Variants in PPP1R12A observed in about 807,000 individuals in gnomAD.
PPP1R12A encodes the protein protein phosphatase 1 regulatory subunit 12A, also known as myosin binding subunit.
PPP1R12A carries 19 observed loss-of-function variants against 139.6 expected under a neutral mutation model. That is an observed-to-expected ratio of 0.14 (90% CI 0.09 to 0.20). The LOEUF (loss-of-function observed/expected upper bound fraction) is 0.20. PPP1R12A is among the 10% of genes least tolerant of loss of function. PPP1R12A has a pLI of 1.00. For synonymous variants in PPP1R12A, 427 were observed against 420.6 expected (o/e 1.02, Z -0.19); for missense variants, 925 against 1,211.5 (o/e 0.76, Z 3.51).
chr12:79,886,828 G>A (rs1333329324), intron 1 of PPP1R12A, among the ~76,000 whole-genome samples: 9 of 152,086 alleles, frequency 5.9e-5, no homozygotes, highest in Non-Finnish European at 1.2e-4. Flanking sequence ...AATATCCAAA[G>A]ATTAAAATAT....
chr12:79,787,663 C>CA (rs1871291246), intron 21 of PPP1R12A: 1 of 152,256 alleles, frequency 6.6e-6, no homozygotes, highest in Non-Finnish European at 1.5e-5. Flanking sequence ...AGGCATGCGC[C>CA]ACCACACCTG....
intron 3 of PPP1R12A, among the ~76,000 whole-genome samples, chr12:79,837,607 T>G (rs1269561925): frequency 6.6e-6 from 1 of 152,214 alleles, no homozygotes. Flanking sequence ...TCCCTACATG[T>G]GGTGGGAAGG....
chr12:79,807,320 T>G lies in PPP1R12A; in HGVS notation c.1561A>C (p.Ser521Arg). 6.5e-7 allele frequency: 1 copy of G among 1,544,500 alleles called. No individual in the cohort carries two copies. The highest frequency in any genetic ancestry group is 8.8e-7 in the Non-Finnish European group (1 of 1,141,300). The change falls in exon 12 of 25, where the codon AGT becomes CGT. Residue 521 changes from serine to arginine, a missense_variant. This residue lies in a region of PPP1R12A where 403 missense variants were observed against 463.7 expected (regional missense o/e 0.87). Transcript: ENST00000450142. ...IEEKENRDSS[S>R]LRTSSSYTRR... ...GTATATGAACTACTTGTTCGCAAAC[T>G]TGAAGAATCTCTGTTAAAAGAACAC...
At position 79,774,664 on chromosome 12, in the gene PPP1R12A, AAAATGG is replaced by A. The variant is rs1869551691; in HGVS notation, c.*1259_*1264del. 6.7e-6 allele frequency: 1 copy of A among 149,554 alleles called. No homozygotes were observed. Among genetic ancestry groups the A allele is most frequent in the African/African-American group, 2.6e-5 (1 of 38,968 alleles). 9.3% of individuals were successfully genotyped at this position (149,554 alleles called of 1,614,324 possible). A position where few individuals can be genotyped will look rare whatever the true frequency, so the allele number is the denominator to read the frequency against. The stretch of plus-strand genomic sequence containing the variant: ...AAAAAAAAAGGCCACTGAAATGTAT[AAAATGG>A]TCTGAACATGATGGTGGTATCAAAG... On this transcript the variant is annotated 3_prime_UTR_variant, in exon 25 of 25. Coordinates refer to ENST00000450142, the MANE Select transcript of PPP1R12A (RefSeq NM_002480.3).
Position 79,913,741 on chromosome 12 carries a change from T to C in PPP1R12A, c.237+20954A>G, listed in dbSNP as rs1448774582. ...AATGCACACATATCTGGGATTTTGT[T>C]TGGACTTGTATTAAATCTGTGATTG... is the stretch of plus-strand genomic sequence containing the variant. On this transcript the variant is annotated intron_variant, in intron 1 of 24. Coordinates refer to ENST00000450142, the MANE Select transcript of PPP1R12A (RefSeq NM_002480.3). 4 of 152,194 alleles carry C rather than the reference T, an allele frequency of 2.6e-5. 1 individual carries two copies. The highest frequency in any genetic ancestry group is 2.6e-4 in the Admixed American group (4 of 15,282). 9.4% of individuals were successfully genotyped at this position (152,194 alleles called of 1,614,324 possible).
At chr12:79,838,586 G>C (rs1878353991) in intron 3 of PPP1R12A, among the ~76,000 whole-genome samples, 1 of 152,216 alleles carries the variant, frequency 6.6e-6, no homozygotes, top group Non-Finnish European at 1.5e-5. Context: ...GCTGTGTGCA[G>C]CCTTGGGACT....
At chr12:79,931,935 T>C (rs1302556475) in intron 1 of PPP1R12A, among the ~76,000 whole-genome samples, 1 of 152,170 alleles carries the variant, frequency 6.6e-6, no homozygotes, top group African/African-American at 2.4e-5. Flanking sequence ...TAACTTCTAA[T>C]GAGGTAGCAC....
intron 1 of PPP1R12A, among the ~76,000 whole-genome samples, chr12:79,928,428 T>C (rs1045057866): frequency 6.6e-6 from 1 of 152,190 alleles, no homozygotes; most frequent in African/African-American, 2.4e-5. Flanking sequence ...GGGGCCAGTT[T>C]GGGGTTGGGA....
At chr12:79,831,713 A>G (rs753686904) in intron 4 of PPP1R12A, among the ~76,000 whole-genome samples, 1 of 152,212 alleles carries the variant, frequency 6.6e-6, no homozygotes, top group Non-Finnish European at 1.5e-5. Flanking sequence ...AATAATACAC[A>G]GAATAATTTT....
At chr12:79,837,152 C>T (rs1322260529) in intron 3 of PPP1R12A, among the ~76,000 whole-genome samples, 1 of 152,028 alleles carries the variant, frequency 6.6e-6, no homozygotes, top group Non-Finnish European at 1.5e-5. Context: ...AACCCACCTA[C>T]TATAATTGCA....
intron 14 of PPP1R12A, among the ~76,000 whole-genome samples, chr12:79,801,345 CAAAAAAAAAAAAAAAAAAA>C (rs201977462): frequency 0.025 from 500 of 20,156 alleles, 7 homozygotes; most frequent in African/African-American, 0.052. Flanking sequence ...AACTCTGTCT[CAAAAAAAAAAAAAAAAAAA>C]AAAAAAAAAA....
At chr12:79,842,250 G>A (rs1217355165) in intron 3 of PPP1R12A, among the ~76,000 whole-genome samples, 1 of 152,104 alleles carries the variant, frequency 6.6e-6, no homozygotes, top group Admixed American at 6.5e-5. Flanking sequence ...GGTCTGGGAG[G>A]TTGAGGCTAT....
chr12:79,827,332 T>C (rs1178629909), intron 5 of PPP1R12A, among the ~76,000 whole-genome samples: 1 of 152,094 alleles, frequency 6.6e-6, no homozygotes, highest in African/African-American at 2.4e-5. Flanking sequence ...TTTAAATCAG[T>C]TAATGAAAAT....
chr12:79,865,597 A>G (rs1170891315), intron 2 of PPP1R12A, among the ~76,000 whole-genome samples: 1 of 152,180 alleles, frequency 6.6e-6, no homozygotes, highest in African/African-American at 2.4e-5. Flanking sequence ...AATCTCCTTA[A>G]ACTGATAAGC....
intron 23 of PPP1R12A, 189 bp from the exon 24 acceptor site, chr12:79,778,789 T>C: frequency 2.5e-6 from 1 of 398,710 alleles, no homozygotes; most frequent in Non-Finnish European, 4.5e-6. Context: ...ATCTTTATCC[T>C]TAGAGTACAA....
At chr12:79,882,867 G>A (rs770106313) in intron 1 of PPP1R12A, among the ~76,000 whole-genome samples, 48 of 152,128 alleles carry the variant, frequency 3.2e-4, no homozygotes, top group Middle Eastern at 3.2e-3. Context: ...GGCCAGGCGC[G>A]GTGGCTCATG....
intron 9 of PPP1R12A, among the ~76,000 whole-genome samples, chr12:79,812,351 T>C (rs1395786829): frequency 6.6e-6 from 1 of 151,466 alleles, no homozygotes; most frequent in Admixed American, 6.6e-5. Context: ...CTTTTTCTTT[T>C]TACTCTGACC....
At chr12:79,795,420 TAATTAGGTCAGA>T (rs1872398203) in intron 18 of PPP1R12A, among the ~76,000 whole-genome samples, 1 of 152,152 alleles carries the variant, frequency 6.6e-6, no homozygotes, top group African/African-American at 2.4e-5. Flanking sequence ...TTCTATTCCA[TAATTAGGTCAGA>T]ACCACTCCTT....
chr12:79,854,227 G>T (rs942619578), intron 2 of PPP1R12A, among the ~76,000 whole-genome samples: 1 of 151,878 alleles, frequency 6.6e-6, no homozygotes, highest in Admixed American at 6.6e-5. Context: ...GTGGCGGGGG[G>T]GCAGGGGAAA....
Sources: allele counts gnomAD v4.1 joint callset (sites outside exome capture counted in the v4.1 genomes callset), GRCh38; gene constraint gnomAD v4.1.1; regional missense constraint gnomAD v4.1.1; transcripts MANE v1.5; gene names NCBI Gene and HGNC (gene_info 2026-07-23, HGNC 2026-07-21).